The following VRK3 variants were observed in gnomAD, a reference collection of about 807,000 sequenced individuals.
VRK3 encodes the protein VRK serine/threonine kinase 3.
VRK3 carries 50 observed loss-of-function variants against 60.4 expected under a neutral mutation model. The observed-to-expected ratio is 0.83, with a 90% CI of 0.66 to 1.05. VRK3 has a LOEUF of 1.05. Ranked by LOEUF, VRK3 falls within the 50% of genes least tolerant of loss-of-function variation. The pLI is 0.00. For missense variants in VRK3, 549 were observed against 585.3 expected, an observed-to-expected ratio of 0.94 and a Z score of 0.64; for synonymous variants, 246 against 227.8, an observed-to-expected ratio of 1.08 and a Z score of -0.72.
At chr19:50,022,059 C>A (rs17311832) in intron 1 of VRK3, among the ~76,000 whole-genome samples, 6,941 of 152,270 alleles carry the variant, frequency 0.046, 213 homozygotes, top group Middle Eastern at 0.099. Flanking sequence ...TTGAAACCTA[C>A]AAAATGATGC....
intron 5 of VRK3, chr19:50,001,413 T>G (rs1373404199): frequency 6.6e-6 from 1 of 152,302 alleles, no homozygotes; most frequent in Non-Finnish European, 1.5e-5. Context: ...GTGACCCAGG[T>G]CCAGTGACTG....
intron 5 of VRK3, among the ~76,000 whole-genome samples, chr19:50,003,353 G>C (rs2076840610): frequency 6.6e-6 from 1 of 152,244 alleles, no homozygotes; most frequent in South Asian, 2.1e-4. Context: ...GTGGTAACTT[G>C]TTACAGCGGC....
In VRK3 at chr19:50,007,593, C is replaced by G; in HGVS notation, c.523G>C (p.Asp175His). ...QWKLKSFQTR[D>H]NQGILYEAAP... is the part of the protein sequence containing the mutation. The stretch of plus-strand genomic sequence containing the variant: ...CCTTCATAGAGAATGCCCTGGTTGT[C>G]CCTGGTCTGGAAGGACTTCAGCTTC... The change falls in exon 5 of 15, where the codon GAC becomes CAC. Residue 175 changes from aspartate (D) to histidine (H), a missense_variant. Asp to His is a moderately conservative substitution (Grantham distance 81). Transcript: ENST00000316763. The G allele has an allele frequency of 6.2e-7, 1 of 1,614,212 alleles. No individual in the cohort carries two copies. The highest frequency in any genetic ancestry group is 1.1e-5 in the South Asian group (1 of 91,082).
intron 6 of VRK3, chr19:49,999,723 C>T (rs926941397): frequency 3.3e-5 from 5 of 152,334 alleles, no homozygotes; most frequent in African/African-American, 9.6e-5. Context: ...GGCCTGGGGC[C>T]AACTCATCAT....
chr19:50,006,677 T>C (rs961331644), intron 5 of VRK3, among the ~76,000 whole-genome samples: 1 of 152,116 alleles, frequency 6.6e-6, no homozygotes, highest in Non-Finnish European at 1.5e-5. Context: ...GCCTGGCCAA[T>C]AAAAGAATAA....
intron 6 of VRK3, chr19:49,998,305 G>C (rs1269981737): frequency 1.3e-5 from 2 of 151,848 alleles, no homozygotes; most frequent in East Asian, 3.9e-4. Context: ...TCGCCAACAT[G>C]GTGAAACCCT....
At chr19:49,997,111 A>G (rs898512552) in intron 7 of VRK3, 1 of 154,658 alleles carries the variant, frequency 6.5e-6, no homozygotes, top group African/African-American at 2.4e-5. Context: ...CAGCCTCTTG[A>G]GTAGCTGGGA....
chr19:50,022,910 A>G lies in VRK3; in HGVS notation c.-64-2263T>C, dbSNP rs182576964. ...AATGCTGAAATTCCTACCATGGCCC[A>G]GGAGCCCCCTGTATGATCTGCCACT... On this transcript the variant is annotated intron_variant, in intron 1 of 14. Transcript: ENST00000316763. Among the ~76,000 whole-genome samples the G allele has an allele frequency of 6.6e-5, 10 of 152,316 alleles. No individual in the cohort carries two copies. In the East Asian group the frequency reaches 1.9e-3, roughly 29 times the overall value.
chr19:50,021,996 A>G (rs1158866222), intron 1 of VRK3, among the ~76,000 whole-genome samples: 2 of 152,078 alleles, frequency 1.3e-5, no homozygotes, highest in Non-Finnish European at 1.5e-5. Context: ...CAGACACATG[A>G]TTTTGTTTAA....
chr19:50,014,475 C>T (rs921723176), intron 3 of VRK3, among the ~76,000 whole-genome samples: 3 of 152,102 alleles, frequency 2.0e-5, no homozygotes, highest in Non-Finnish European at 4.4e-5. Flanking sequence ...AGGAGAATTG[C>T]TTGAACCTGG....
At chr19:50,024,962 C>A (rs2077242293) in intron 1 of VRK3, 1 of 152,252 alleles carries the variant, frequency 6.6e-6, no homozygotes. Context: ...AGCCTCCCTT[C>A]GGCCGCACCT....
chr19:49,988,900 C>T (rs929304948), intron 11 of VRK3, among the ~76,000 whole-genome samples: 2 of 152,170 alleles, frequency 1.3e-5, no homozygotes, highest in Non-Finnish European at 2.9e-5. Flanking sequence ...ACAGAACACA[C>T]GGGAGCCCAG....
chr19:49,984,125 A>G (rs2076472103), intron 12 of VRK3, among the ~76,000 whole-genome samples: 1 of 152,170 alleles, frequency 6.6e-6, no homozygotes, highest in Non-Finnish European at 1.5e-5. Context: ...GAAAAGCATG[A>G]TAAGACCGCT....
At chr19:49,999,832 T>C (rs2076770328) in intron 6 of VRK3, 1 of 152,252 alleles carries the variant, frequency 6.6e-6, no homozygotes, top group African/African-American at 2.4e-5. Context: ...ACAGTAGTAA[T>C]AACAGGAACA....
At chr19:49,992,988 G>A in intron 9 of VRK3, 36 bp from the exon 10 acceptor site, 1 of 1,584,696 alleles carries the variant, frequency 6.3e-7, no homozygotes, top group Non-Finnish European at 8.6e-7. Context: ...TGCATGAGCA[G>A]TACGACTAAC....
At chr19:50,003,168 G>A (rs956704977) in intron 5 of VRK3, among the ~76,000 whole-genome samples, 10 of 152,142 alleles carry the variant, frequency 6.6e-5, no homozygotes, top group Non-Finnish European at 7.3e-5. Flanking sequence ...GAGCTCCAGG[G>A]TGCCCCATGC....
rs1242626610 is a variant in VRK3 at position 49,988,500 on chromosome 19, AG to A, written c.1097-9del. 1 of 1,611,036 alleles carries A rather than the reference AG, an allele frequency of 6.2e-7. No individual in the cohort carries two copies. Among genetic ancestry groups the A allele is most frequent in the Non-Finnish European group, 8.5e-7 (1 of 1,178,364 alleles). On this transcript the variant is annotated splice_polypyrimidine_tract_variant and intron_variant, in intron 11 of 14. Transcript: ENST00000316763. Reference sequence around the variant, plus strand: ...CGCTGCGGCGGGAGGGCCCTGGGGAAGGAGGAGTAAAGGTGGCAGCTCAAGT... The same window carrying A: ...CGCTGCGGCGGGAGGGCCCTGGGGAAGAGGAGTAAAGGTGGCAGCTCAAGT...
rs371207713 is a variant in VRK3 at position 49,988,505 on chromosome 19, G to C, written c.1097-13C>G. 6.2e-7 allele frequency: 1 copy of C among 1,611,114 alleles called. No individual in the cohort carries two copies. Among genetic ancestry groups the C allele is most frequent in the South Asian group, 1.1e-5 (1 of 90,870 alleles). On this transcript the variant is annotated splice_polypyrimidine_tract_variant and intron_variant, in intron 11 of 14. Coordinates refer to ENST00000316763, the MANE Select transcript of VRK3 (RefSeq NM_016440.4). The stretch of plus-strand genomic sequence containing the variant: ...CGGCGGGAGGGCCCTGGGGAAGGAG[G>C]AGTAAAGGTGGCAGCTCAAGTCTGG...
chr19:50,013,915 C>T (rs59731041), intron 3 of VRK3, among the ~76,000 whole-genome samples: 8,005 of 152,236 alleles, frequency 0.053, 689 homozygotes, highest in African/African-American at 0.18. Flanking sequence ...AGGGAAGATG[C>T]AACTTTAATT....
Sources: gnomAD v4.1 joint callset for allele counts (sites outside exome capture counted in the v4.1 genomes callset) on GRCh38, gnomAD v4.1.1 for gene constraint, MANE v1.5 for transcripts, NCBI Gene and HGNC (gene_info 2026-07-23, HGNC 2026-07-21) for gene names.